The following RC3H2 variants were observed in gnomAD, a reference collection of about 807,000 sequenced individuals.
RC3H2 encodes the protein roquin-2.
RC3H2 carries 31 observed loss-of-function variants against 133.3 expected under a neutral mutation model. That is an observed-to-expected ratio of 0.23 (90% CI 0.17 to 0.31). RC3H2 has a LOEUF of 0.31. Among genes scored for constraint, RC3H2 ranks in the 10% least tolerant of loss-of-function variants. RC3H2 has a pLI of 1.00. For missense variants in RC3H2, 1,175 were observed against 1,437.2 expected (o/e 0.82, Z 2.95); for synonymous variants, 517 against 502.2 (o/e 1.03, Z -0.40).
At chr9:122,894,648 G>A (rs1266522015) in intron 2 of RC3H2, among the ~76,000 whole-genome samples, 3 of 152,170 alleles carry the variant, frequency 2.0e-5, no homozygotes, top group African/African-American at 2.4e-5. Context: ...GGGAGGCCAA[G>A]GTGGGCAGAT....
At chr9:122,850,960 C>A in intron 20 of RC3H2, 121 bp downstream of exon 20, 5 of 1,048,518 alleles carry the variant, frequency 4.8e-6, no homozygotes, top group East Asian at 2.4e-5. Context: ...TCCAGATTGA[C>A]CAAATCATTG....
chr9:122,903,940 A>G (rs1414626379), intron 1 of RC3H2, among the ~76,000 whole-genome samples: 6 of 152,328 alleles, frequency 3.9e-5, no homozygotes, highest in African/African-American at 1.4e-4. Flanking sequence ...AATATCGTAA[A>G]AAGCTTTTAA....
intron 18 of RC3H2, among the ~76,000 whole-genome samples, chr9:122,852,664 TG>T (rs1830092420): frequency 7.0e-6 from 1 of 141,902 alleles, no homozygotes; most frequent in Non-Finnish European, 1.5e-5. Flanking sequence ...CCAGCCGCCC[TG>T]TCCGGGAGGT....
chr9:122,886,984 G>T (rs1005416423), intron 4 of RC3H2, among the ~76,000 whole-genome samples: 4 of 152,170 alleles, frequency 2.6e-5, no homozygotes, highest in Non-Finnish European at 5.9e-5. Flanking sequence ...TATAAAAGTA[G>T]ATTTTTAAAA....
chr9:122,865,778 C>A (rs907859421), intron 9 of RC3H2, 121 bp from the exon 10 acceptor site: 3 of 769,438 alleles, frequency 3.9e-6, no homozygotes, highest in Admixed American at 2.7e-5. Context: ...CAAAAAGTTT[C>A]TTCAGCTAAA....
intron 3 of RC3H2, 26 bp from the exon 4 acceptor site, chr9:122,890,571 G>C: frequency 6.5e-7 from 1 of 1,542,916 alleles, no homozygotes; most frequent in South Asian, 1.2e-5. Context: ...AACAAAGGGA[G>C]CTAAAGTTTT....
chr9:122,857,675 A>G (rs1285782610), intron 13 of RC3H2, among the ~76,000 whole-genome samples: 1 of 152,226 alleles, frequency 6.6e-6, no homozygotes, highest in Non-Finnish European at 1.5e-5. Flanking sequence ...TATTAATAAA[A>G]CAACCATAAA....
At chr9:122,900,857 A>T (rs1832623503) in intron 1 of RC3H2, among the ~76,000 whole-genome samples, 1 of 152,194 alleles carries the variant, frequency 6.6e-6, no homozygotes, top group Non-Finnish European at 1.5e-5. Flanking sequence ...GAAAAAGGAT[A>T]ATAAGATAAA....
chr9:122,893,216 G>A (rs971550940), intron 2 of RC3H2, among the ~76,000 whole-genome samples, 190 bp from the exon 3 acceptor site: 4 of 152,044 alleles, frequency 2.6e-5, no homozygotes, highest in Non-Finnish European at 2.9e-5. Flanking sequence ...AAATAAGGCC[G>A]GGCATGGTGG....
chr9:122,887,741 CTTTTTTT>C (rs112010654), intron 4 of RC3H2, among the ~76,000 whole-genome samples: 1 of 118,056 alleles, frequency 8.5e-6, no homozygotes, highest in South Asian at 2.8e-4. Flanking sequence ...ATACTTGTAT[CTTTTTTT>C]TTTTTTTTTT....
chr9:122,885,728 A>G (rs1588100862), intron 4 of RC3H2, among the ~76,000 whole-genome samples: 1 of 152,206 alleles, frequency 6.6e-6, no homozygotes, highest in East Asian at 1.9e-4. Context: ...AATGTGTACA[A>G]CCATCAACTT....
chr9:122,873,610 G>A (rs967008154), intron 9 of RC3H2, among the ~76,000 whole-genome samples: 3 of 151,840 alleles, frequency 2.0e-5, no homozygotes, highest in Non-Finnish European at 2.9e-5. Context: ...CTACTCGAGA[G>A]GCTGAGGTGG....
rs1220925076 is a variant in RC3H2 at position 122,860,124 on chromosome 9, C to A, written c.1642G>T (p.Gly548Cys). 1.2e-6 allele frequency: 2 copies of A among 1,613,104 alleles called. No homozygotes were observed. Among genetic ancestry groups the A allele is most frequent in the African/African-American group, 1.3e-5 (1 of 74,846 alleles). ...CTTACAGGAGTCTTGGGTGGAGAACCAATTTTACTGGAGAGAAAATTTAAC... is the reference window on the plus strand; with the variant it reads ...CTTACAGGAGTCTTGGGTGGAGAACAAATTTTACTGGAGAGAAAATTTAAC... ...SADSVTENKIGSPPKTPVSNV... is the reference protein window; with the variant it reads ...SADSVTENKICSPPKTPVSNV... The change falls in exon 11 of 21, where the codon GGT (glycine) becomes TGT (cysteine). Residue 548 changes from glycine to cysteine, a missense_variant. Coordinates refer to ENST00000357244, the MANE Select transcript of RC3H2 (RefSeq NM_001100588.3).
chr9:122,866,638 C>T (rs897969157), intron 9 of RC3H2, among the ~76,000 whole-genome samples: 7 of 152,096 alleles, frequency 4.6e-5, no homozygotes, highest in African/African-American at 4.8e-5. Context: ...AGCTCCTAGC[C>T]GCGAGTGATC....
intron 5 of RC3H2, among the ~76,000 whole-genome samples, chr9:122,881,914 A>C (rs1831655542): frequency 6.6e-6 from 1 of 152,204 alleles, no homozygotes; most frequent in Non-Finnish European, 1.5e-5. Flanking sequence ...AAAGATAGAC[A>C]AGCAAGGAAT....
intron 16 of RC3H2, 67 bp from the exon 17 acceptor site, chr9:122,854,333 C>A: frequency 7.2e-7 from 1 of 1,385,244 alleles, no homozygotes; most frequent in South Asian, 1.2e-5. Context: ...CAGTAATAAC[C>A]ATATGTTTTA....
intron 8 of RC3H2, among the ~76,000 whole-genome samples, chr9:122,878,921 G>A (rs941914538): frequency 1.8e-3 from 262 of 141,732 alleles, no homozygotes; most frequent in African/African-American, 5.8e-3. Flanking sequence ...GCTCATTTTT[G>A]TATTTTTTTT....
Position 122,851,122 on chromosome 9 carries a change from T to G in RC3H2, c.3339A>C (p.Pro1113=). 6.2e-7 allele frequency: 1 copy of G among 1,614,240 alleles called. No homozygotes were observed. The highest frequency in any genetic ancestry group is 8.5e-7 in the Non-Finnish European group (1 of 1,180,042). ...CACCTAAACTCTGTTTCTTCTGCTT[T>G]GGTGGCTCCTTTTGGTGCTGCTGTA... ...HPVQQHQKEP[P]KQKKQSLGED... The change falls in exon 20 of 21, where the codon CCA becomes CCC. Residue 1113 remains proline (P), a synonymous_variant. Transcript: ENST00000357244.
At position 122,854,291 on chromosome 9, in the gene RC3H2, T is replaced by C. The variant is rs367763071; in HGVS notation, c.2901-25A>G. 6.4e-6 allele frequency: 10 copies of C among 1,570,752 alleles called. No homozygotes were observed. The African/African-American group carries it at 1.4e-4, about 21-fold the overall frequency. On this transcript the variant is annotated intron_variant, in intron 16 of 20. Transcript: ENST00000357244. Reference sequence around the variant, plus strand: ...CCTTTAAAGAGAAATATGTTTATTGTAATAAAAGTGAAGTGAATGAAGCAA... The same window carrying C: ...CCTTTAAAGAGAAATATGTTTATTGCAATAAAAGTGAAGTGAATGAAGCAA...
Sources: gnomAD v4.1 joint callset for allele counts (sites outside exome capture counted in the v4.1 genomes callset) on GRCh38, gnomAD v4.1.1 for gene constraint, MANE v1.5 for transcripts, NCBI Gene and HGNC (gene_info 2026-07-23, HGNC 2026-07-21) for gene names.